Variants in PDE1C observed in about 807,000 individuals in gnomAD.
The protein encoded by PDE1C is phosphodiesterase 1C.
In PDE1C, 62 loss-of-function variants were observed where a neutral mutation model predicts 93.1. The ratio of observed to expected loss-of-function variants is 0.67; its 90% confidence interval spans 0.54 to 0.82. The LOEUF is 0.82. Ranked by LOEUF, PDE1C falls within the 40% of genes least tolerant of loss-of-function variation. PDE1C has a pLI of 0.00. For missense variants in PDE1C, 742 were observed against 884.6 expected (o/e 0.84, Z 2.04); for synonymous variants, 325 against 310.1 (o/e 1.05, Z -0.50).
chr7:31,988,807 G>A (rs900644729), intron 2 of PDE1C, among the ~76,000 whole-genome samples: 7 of 151,836 alleles, frequency 4.6e-5, no homozygotes, highest in Non-Finnish European at 7.4e-5. Context: ...CCATCCTGGC[G>A]CACATGGTGA....
the PDE1C span, among the ~76,000 whole-genome samples, chr7:31,635,169 G>C: frequency 6.6e-6 from 1 of 152,160 alleles, no homozygotes. Context: ...TTCTGAGCTA[G>C]GTGATTTCTC....
chr7:31,816,221 G>T, intron 14 of PDE1C, 67 bp from the exon 15 acceptor site: 2 of 1,410,336 alleles, frequency 1.4e-6, no homozygotes, highest in Non-Finnish European at 9.9e-7. Flanking sequence ...TAGGAGAATG[G>T]CCTGTTTTAG....
At chr7:31,916,007 T>C (rs1368993035) in intron 2 of PDE1C, among the ~76,000 whole-genome samples, 2 of 152,032 alleles carry the variant, frequency 1.3e-5, no homozygotes, top group Non-Finnish European at 2.9e-5. Context: ...CTGTGCTCCA[T>C]GTCTTCAGAG....
the PDE1C span, among the ~76,000 whole-genome samples, chr7:31,724,890 G>T: frequency 6.6e-6 from 1 of 152,150 alleles, no homozygotes; most frequent in African/African-American, 2.4e-5. Flanking sequence ...CGGTGAATTA[G>T]CACTCTGGAA....
intron 17 of PDE1C, among the ~76,000 whole-genome samples, chr7:31,760,759 T>TACACACACACACACACACAC (rs10573498): frequency 6.7e-6 from 1 of 148,592 alleles, no homozygotes; most frequent in Non-Finnish European, 1.5e-5. Flanking sequence ...CTGCAATGTG[T>TACACACACACACACACACAC]ACACACACAC....
the PDE1C span, among the ~76,000 whole-genome samples, chr7:31,745,556 A>G: frequency 1.3e-5 from 2 of 152,212 alleles, no homozygotes; most frequent in Non-Finnish European, 2.9e-5. Flanking sequence ...GGCCACTTTT[A>G]CTTGGAGAGA....
At chr7:32,309,170 G>T (rs1450739653) in intron 1 of PDE1C, among the ~76,000 whole-genome samples, 1 of 152,204 alleles carries the variant, frequency 6.6e-6, no homozygotes, top group African/African-American at 2.4e-5. Context: ...CGAAATGAAT[G>T]AAATGAAGCA....
intron 2 of PDE1C, among the ~76,000 whole-genome samples, chr7:31,948,644 C>A (rs913065515): frequency 1.3e-5 from 2 of 152,228 alleles, no homozygotes; most frequent in Non-Finnish European, 2.9e-5. Flanking sequence ...ATGTTTCCAT[C>A]TTACTTATCT....
At chr7:31,676,051 C>G in the PDE1C span, among the ~76,000 whole-genome samples, 2 of 152,164 alleles carry the variant, frequency 1.3e-5, no homozygotes, top group Admixed American at 6.5e-5. Context: ...GTGCTTTCAG[C>G]TTTGTACATG....
At chr7:31,886,278 T>C (rs1039952361) in intron 2 of PDE1C, among the ~76,000 whole-genome samples, 2 of 152,196 alleles carry the variant, frequency 1.3e-5, no homozygotes, top group African/African-American at 4.8e-5. Context: ...CTTACCTAAA[T>C]GCCATAGGAA....
intron 3 of PDE1C, among the ~76,000 whole-genome samples, chr7:32,102,975 A>G (rs1798110506): frequency 6.6e-6 from 1 of 152,216 alleles, no homozygotes; most frequent in Admixed American, 6.5e-5. Flanking sequence ...ACCATATTCT[A>G]TTCAATAGAG....
chr7:32,041,453 T>G (rs752253168), intron 2 of PDE1C, among the ~76,000 whole-genome samples: 2 of 152,230 alleles, frequency 1.3e-5, no homozygotes, highest in Admixed American at 6.5e-5. Context: ...ATCCCAAATT[T>G]ATGAGAATAA....
chr7:32,078,613 G>A (rs949984221), intron 3 of PDE1C, among the ~76,000 whole-genome samples: 1 of 152,108 alleles, frequency 6.6e-6, no homozygotes, highest in Admixed American at 6.6e-5. Flanking sequence ...GACTGAAGGG[G>A]CCTGGACTAC....
At chr7:31,831,210 A>G (rs1790340886) in intron 11 of PDE1C, among the ~76,000 whole-genome samples, 9 of 152,208 alleles carry the variant, frequency 5.9e-5, no homozygotes, top group Admixed American at 3.9e-4. Context: ...AATATAACAT[A>G]TGAGAAAGGC....
intron 1 of PDE1C, among the ~76,000 whole-genome samples, chr7:32,270,988 A>G (rs1242805217): frequency 6.6e-6 from 1 of 151,806 alleles, no homozygotes; most frequent in African/African-American, 2.4e-5. Context: ...AAAAAAAAAA[A>G]TTAGCCAGGC....
the PDE1C span, chr7:31,651,286 G>T: frequency 6.2e-7 from 1 of 1,610,848 alleles, no homozygotes; most frequent in Non-Finnish European, 8.5e-7. Context: ...ACCTAAGGGA[G>T]CCATAAAAGT....
At chr7:31,620,797 C>A in the PDE1C span, among the ~76,000 whole-genome samples, 1 of 152,034 alleles carries the variant, frequency 6.6e-6, no homozygotes, top group Admixed American at 6.6e-5. Flanking sequence ...AGACATCAGA[C>A]GATCAAACTA....
Position 31,879,130 on chromosome 7 carries a change from A to G in PDE1C, c.291T>C (p.Ala97=), listed in dbSNP as rs772001498. ...GCCAGTCTCGGACCTCAGAAGGCAC[A>G]GCATCTGACTGAATGTCACTGAGCT... The part of the protein sequence containing the change: ...EDELSDIQSD[A]VPSEVRDWLA... Residue 97 remains alanine, a synonymous_variant, in exon 4 of 18, where the codon GCT becomes GCC. Transcript: ENST00000396191. 6.2e-7 allele frequency: 1 copy of G among 1,614,128 alleles called. No individual in the cohort carries two copies. The highest frequency in any genetic ancestry group is 8.5e-7 in the Non-Finnish European group (1 of 1,179,992).
At chr7:32,253,213 G>T (rs1160626802) in intron 1 of PDE1C, among the ~76,000 whole-genome samples, 3 of 152,120 alleles carry the variant, frequency 2.0e-5, no homozygotes, top group Non-Finnish European at 4.4e-5. Context: ...GAAATTTAAG[G>T]TCATCCCCAG....
Sources: allele counts gnomAD v4.1 joint callset (sites outside exome capture counted in the v4.1 genomes callset), GRCh38; gene constraint gnomAD v4.1.1; transcripts MANE v1.5; gene names NCBI Gene and HGNC (gene_info 2026-07-23, HGNC 2026-07-21).